The following RPN2 variants were observed in gnomAD, a reference collection of about 807,000 sequenced individuals.
The protein encoded by RPN2 is ribophorin II.
A neutral mutation model predicts 71.4 loss-of-function variants in RPN2; 29 were observed. The observed-to-expected ratio is 0.41, with a 90% confidence interval of 0.30 to 0.55. The LOEUF is 0.55. Among genes scored for constraint, RPN2 ranks in the 20% least tolerant of loss-of-function variants. RPN2 has a pLI of 0.35. For synonymous variants in RPN2, 308 were observed against 305.0 expected, an observed-to-expected ratio of 1.01 and a Z score of -0.10; for missense variants, 726 against 774.1, an observed-to-expected ratio of 0.94 and a Z score of 0.74.
At position 37,207,262 on chromosome 20, in the gene RPN2, A is replaced by G. The variant is rs754681361; in HGVS notation, c.691-11A>G. ...AGGAAGAGAAACAGCTGCATTTCGC[A>G]TTTCTTTCAGGATCAGGTCATCCAG... On this transcript the variant is annotated splice_polypyrimidine_tract_variant and intron_variant, in intron 6 of 16. Coordinates refer to ENST00000237530, the MANE Select transcript of RPN2 (RefSeq NM_002951.5). 2 of 1,611,526 alleles carry G rather than the reference A, an allele frequency of 1.2e-6. No homozygotes were observed. Among genetic ancestry groups the G allele is most frequent in the South Asian group, 2.2e-5 (2 of 91,016 alleles).
At chr20:37,196,080 A>T (rs924718579) in intron 2 of RPN2, among the ~76,000 whole-genome samples, 1 of 151,070 alleles carries the variant, frequency 6.6e-6, no homozygotes, top group African/African-American at 2.4e-5. Flanking sequence ...TTTTGGTGGG[A>T]GAGGAGTCTC....
chr20:37,199,422 T>C (rs1269928670), intron 4 of RPN2, among the ~76,000 whole-genome samples, 197 bp downstream of exon 4: 1 of 152,238 alleles, frequency 6.6e-6, no homozygotes, highest in African/African-American at 2.4e-5. Flanking sequence ...GGAGCTCACA[T>C]GGACACAGTC....
Position 37,229,973 on chromosome 20 carries a change from G to A in RPN2, c.1495G>A (p.Ala499Thr). 1 of 1,613,000 alleles carries A rather than the reference G, an allele frequency of 6.2e-7. No homozygotes were observed. The change falls in exon 13 of 17, where the codon GCT (alanine) becomes ACT (threonine). Residue 499 changes from alanine (A) to threonine (T), a missense_variant and splice_region_variant. Transcript: ENST00000237530. ...TLKNPILWNV[A>T]DVVIKFPEEE... ...TTACAGACTGTCCTTATTTTTCTAG[G>A]CTGATGTGGTCATCAAGTTCCCTGA...
In RPN2 at chr20:37,198,510, C is replaced by T. The variant is rs369755057; in HGVS notation, c.303+18C>T. 31 of 1,614,000 alleles carry T rather than the reference C, an allele frequency of 1.9e-5. No individual in the cohort carries two copies. Among genetic ancestry groups the T allele is most frequent in the Middle Eastern group, 1.6e-4 (1 of 6,084 alleles). On this transcript the variant is annotated intron_variant, in intron 3 of 16. Transcript: ENST00000237530. ...GATGTGAGGTGAGTCCGGGTTCCTA[C>T]GCTGACAATGACTTTAACTATTTAA...
At chr20:37,198,306 A>G in intron 2 of RPN2, 91 bp from the exon 3 acceptor site, 1 of 1,603,544 alleles carries the variant, frequency 6.2e-7, no homozygotes, top group African/African-American at 1.3e-5. Context: ...AGCCATCTAT[A>G]ATGGCTGAGA....
At position 37,236,600 on chromosome 20, in the gene RPN2, GTC is replaced by G; in HGVS notation, c.1776_1777del (p.Tyr593LeufsTer48). 6.2e-7 allele frequency: 1 copy of G among 1,614,112 alleles called. No individual in the cohort carries two copies. The highest frequency in any genetic ancestry group is 1.3e-5 in the African/African-American group (1 of 75,048). On this transcript the variant is annotated frameshift_variant, in exon 16 of 17. Coordinates refer to ENST00000237530, the MANE Select transcript of RPN2 (RefSeq NM_002951.5). LOFTEE classifies it high-confidence loss of function. ...GHAAMLGLMY[V>X]YWTQLNMFQT... ...TGCAGCTATGCTGGGACTCATGTAT[GTC>G]TACTGGACTCAGCTCAACATGTTCC...
At chr20:37,190,557 T>C (rs2067117861) in intron 2 of RPN2, among the ~76,000 whole-genome samples, 1 of 152,220 alleles carries the variant, frequency 6.6e-6, no homozygotes, top group African/African-American at 2.4e-5. Flanking sequence ...TGGCATGTGG[T>C]AATACGTAGT....
At chr20:37,210,231 G>A (rs2067624917) in intron 8 of RPN2, 66 bp downstream of exon 8, 2 of 1,605,226 alleles carry the variant, frequency 1.2e-6, no homozygotes, top group African/African-American at 2.7e-5. Context: ...CCTGCAGCCA[G>A]TGTAACAGAT....
intron 6 of RPN2, 141 bp downstream of exon 6, chr20:37,205,042 T>C: frequency 2.4e-6 from 3 of 1,252,980 alleles, no homozygotes; most frequent in Non-Finnish European, 3.3e-6. Flanking sequence ...GGATTAAGAA[T>C]GAGAAATAGA....
In RPN2 at chr20:37,210,143, A is replaced by G; in HGVS notation, c.964A>G (p.Lys322Glu). 6.2e-7 allele frequency: 1 copy of G among 1,614,104 alleles called. No individual in the cohort carries two copies. ...SVASRATVLQ[K>E]TSFTPVGDVF... ...TGCTTCCAGAGCCACTGTCCTCCAG[A>G]AGACATCCTTCACCCCTGTAGGGTA... Residue 322 changes from lysine (K) to glutamate (E), a missense_variant, in exon 8 of 17, where the codon AAG becomes GAG. Transcript: ENST00000237530.
intron 1 of RPN2, among the ~76,000 whole-genome samples, chr20:37,180,621 C>G (rs2066839633): frequency 6.6e-6 from 1 of 152,180 alleles, no homozygotes; most frequent in African/African-American, 2.4e-5. Context: ...CGCCTGTGCA[C>G]AAGGCATTGG....
At chr20:37,183,106 C>T (rs934799336) in intron 1 of RPN2, among the ~76,000 whole-genome samples, 1 of 152,058 alleles carries the variant, frequency 6.6e-6, no homozygotes, top group African/African-American at 2.4e-5. Context: ...TAGAAAATCC[C>T]ACAGAGAAGT....
chr20:37,209,690 C>T (rs1304515887), intron 7 of RPN2, among the ~76,000 whole-genome samples: 1 of 151,766 alleles, frequency 6.6e-6, no homozygotes, highest in Non-Finnish European at 1.5e-5. Flanking sequence ...CCATGTTGCC[C>T]ACGCTGTTCT....
At chr20:37,186,158 A>G (rs1318600422) in intron 2 of RPN2, among the ~76,000 whole-genome samples, 2 of 152,214 alleles carry the variant, frequency 1.3e-5, no homozygotes, top group African/African-American at 2.4e-5. Context: ...GAAAACTGCT[A>G]TTAAAGGGTT....
chr20:37,214,610 G>A (rs191926288), intron 9 of RPN2, among the ~76,000 whole-genome samples: 1 of 152,284 alleles, frequency 6.6e-6, no homozygotes, highest in Admixed American at 6.5e-5. Flanking sequence ...TGAAGAGGAT[G>A]GGCTCTCAAT....
intron 15 of RPN2, among the ~76,000 whole-genome samples, chr20:37,234,567 A>G (rs1405741976): frequency 6.6e-6 from 1 of 152,218 alleles, no homozygotes; most frequent in African/African-American, 2.4e-5. Flanking sequence ...TAGGACTTCA[A>G]CAGCCTAAAC....
rs1429508657 is a variant in RPN2, at chr20:37,207,266, C to G, written c.691-7C>G. The G allele has an allele frequency of 1.9e-6, 3 of 1,612,388 alleles. No homozygotes were observed. On this transcript the variant is annotated splice_polypyrimidine_tract_variant and splice_region_variant and intron_variant, in intron 6 of 16. Coordinates refer to ENST00000237530, the MANE Select transcript of RPN2 (RefSeq NM_002951.5). ...AGAGAAACAGCTGCATTTCGCATTT[C>G]TTTCAGGATCAGGTCATCCAGCTGA...
chr20:37,218,573 A>G (rs6513975), intron 9 of RPN2, among the ~76,000 whole-genome samples: 112,226 of 151,730 alleles, frequency 0.74, 41,961 homozygotes, highest in Middle Eastern at 0.85. Context: ...AAACAAAACT[A>G]TGCAATCCAG....
intron 7 of RPN2, among the ~76,000 whole-genome samples, chr20:37,208,323 T>C (rs1344753674): frequency 6.6e-6 from 1 of 151,936 alleles, no homozygotes; most frequent in African/African-American, 2.4e-5. Context: ...ATTGCATTTC[T>C]AGGTCTATAA....
Sources: gnomAD v4.1 joint callset for allele counts (sites outside exome capture counted in the v4.1 genomes callset) on GRCh38, gnomAD v4.1.1 for gene constraint, MANE v1.5 for transcripts, NCBI Gene and HGNC (gene_info 2026-07-23, HGNC 2026-07-21) for gene names.